Variants in MAGI2 observed in about 807,000 individuals in gnomAD.
The protein encoded by MAGI2 is membrane associated guanylate kinase, WW and PDZ domain containing 2.
Under a neutral mutation model 133.3 loss-of-function variants are expected in MAGI2, and 35 were observed. The observed-to-expected ratio is 0.26, with a 90% CI of 0.20 to 0.35. MAGI2 has a LOEUF of 0.35. Ranked by LOEUF, MAGI2 falls within the 10% of genes least tolerant of loss-of-function variation. The probability of loss-of-function intolerance (pLI) is 1.00; values close to 1 mark genes in which losing one functional copy is unlikely to be tolerated. For missense variants in MAGI2, 1,636 were observed against 1,863.4 expected, an observed-to-expected ratio of 0.88 and a Z score of 2.25; for synonymous variants, 729 against 710.6, an observed-to-expected ratio of 1.03 and a Z score of -0.41.
intron 9 of MAGI2, among the ~76,000 whole-genome samples, chr7:78,320,983 A>G (rs1211500639): frequency 6.6e-6 from 1 of 152,128 alleles, no homozygotes; most frequent in East Asian, 1.9e-4. Flanking sequence ...CCAATAACAA[A>G]CAGACAGCCA....
At chr7:79,259,569 T>A (rs1254918855) in intron 1 of MAGI2, among the ~76,000 whole-genome samples, 2 of 152,178 alleles carry the variant, frequency 1.3e-5, no homozygotes, top group African/African-American at 2.4e-5. Context: ...ATGTACACAA[T>A]CCGTAAGTGG....
intron 9 of MAGI2, among the ~76,000 whole-genome samples, chr7:78,276,217 C>T (rs1423807959): frequency 6.6e-6 from 1 of 152,128 alleles, no homozygotes; most frequent in African/African-American, 2.4e-5. Flanking sequence ...ATGCTTGAGT[C>T]AAGATATTGG....
intron 21 of MAGI2, among the ~76,000 whole-genome samples, chr7:78,074,281 G>C (rs549243322): frequency 6.6e-6 from 1 of 152,090 alleles, no homozygotes; most frequent in Non-Finnish European, 1.5e-5. Flanking sequence ...CTGACAGATC[G>C]CCTTTGGTAT....
intron 5 of MAGI2, among the ~76,000 whole-genome samples, chr7:78,495,738 T>A (rs1397020386): frequency 6.6e-6 from 1 of 152,204 alleles, no homozygotes; most frequent in Non-Finnish European, 1.5e-5. Flanking sequence ...TGCCATTTTA[T>A]CTTTCATGTG....
chr7:78,264,540 T>G (rs1167183718), intron 9 of MAGI2, among the ~76,000 whole-genome samples: 1 of 152,160 alleles, frequency 6.6e-6, no homozygotes, highest in Non-Finnish European at 1.5e-5. Context: ...ATCCACTGTA[T>G]TTGCTAGGTC....
At chr7:79,151,902 G>GA (rs11422534) in intron 1 of MAGI2, among the ~76,000 whole-genome samples, 106,588 of 151,928 alleles carry the variant, frequency 0.7, 40,098 homozygotes, top group Non-Finnish European at 0.85. Context: ...CTAAAGTCCA[G>GA]AAATTATGGT....
At chr7:79,181,767 C>T (rs1826642570) in intron 1 of MAGI2, among the ~76,000 whole-genome samples, 1 of 151,984 alleles carries the variant, frequency 6.6e-6, no homozygotes, top group Non-Finnish European at 1.5e-5. Flanking sequence ...TCTTTTAAAA[C>T]TGAATGCCTT....
chr7:79,171,770 A>ATATATTTTTTTTTTT, intron 1 of MAGI2, among the ~76,000 whole-genome samples: 14 of 31,222 alleles, frequency 4.5e-4, no homozygotes, highest in Non-Finnish European at 8.9e-4. Context: ...ATATATATAT[A>ATATATTTTTTTTTTT]TTTTTTTTTT....
chr7:79,007,514 T>A (rs1488645789), intron 1 of MAGI2, among the ~76,000 whole-genome samples: 1 of 152,074 alleles, frequency 6.6e-6, no homozygotes, highest in Admixed American at 6.6e-5. Context: ...TTATAGTACA[T>A]CTCATTGCAT....
At chr7:79,200,264 C>G (rs541420070) in intron 1 of MAGI2, among the ~76,000 whole-genome samples, 1 of 151,946 alleles carries the variant, frequency 6.6e-6, no homozygotes, top group Non-Finnish European at 1.5e-5. Flanking sequence ...CCAAGGCTAA[C>G]TTTCTTACAT....
At chr7:78,130,996 C>A (rs1423444640) in intron 18 of MAGI2, among the ~76,000 whole-genome samples, 2 of 152,174 alleles carry the variant, frequency 1.3e-5, no homozygotes, top group Non-Finnish European at 2.9e-5. Flanking sequence ...CCACTCAAGG[C>A]TGGGAGCAAG....
intron 6 of MAGI2, among the ~76,000 whole-genome samples, chr7:78,451,298 T>C (rs1788698283): frequency 6.6e-6 from 1 of 152,126 alleles, no homozygotes; most frequent in African/African-American, 2.4e-5. Context: ...ACATTTCTAA[T>C]ATTGCATTAG....
chr7:78,298,810 GTTTTTTTTT>G (rs71085520), intron 9 of MAGI2, among the ~76,000 whole-genome samples: 3 of 79,606 alleles, frequency 3.8e-5, no homozygotes, highest in Non-Finnish European at 6.4e-5. Flanking sequence ...TGGCCTAAAC[GTTTTTTTTT>G]TTTTTTTTTT....
chr7:78,404,655 T>C (rs1006697657), intron 6 of MAGI2, among the ~76,000 whole-genome samples: 2 of 152,106 alleles, frequency 1.3e-5, no homozygotes, highest in African/African-American at 4.8e-5. Flanking sequence ...TTATACCTTA[T>C]ACAAAAATTA....
At chr7:78,933,609 A>G (rs878923445) in intron 2 of MAGI2, among the ~76,000 whole-genome samples, 1 of 152,160 alleles carries the variant, frequency 6.6e-6, no homozygotes, top group Admixed American at 6.6e-5. Context: ...TTCATTGACC[A>G]ATAGATAAAT....
At chr7:78,634,728 G>A (rs1456679125) in intron 2 of MAGI2, among the ~76,000 whole-genome samples, 2 of 152,120 alleles carry the variant, frequency 1.3e-5, no homozygotes, top group Non-Finnish European at 2.9e-5. Flanking sequence ...AGACTCAACA[G>A]TAATAACAAG....
At chr7:78,527,035 GAA>G (rs1797032325) in intron 3 of MAGI2, among the ~76,000 whole-genome samples, 1 of 89,746 alleles carries the variant, frequency 1.1e-5, no homozygotes, top group Non-Finnish European at 2.4e-5. Flanking sequence ...AAAAAAAAAA[GAA>G]AAAGAAAAAA....
intron 6 of MAGI2, chr7:78,486,676 C>T (rs1218180646): frequency 2.6e-5 from 10 of 386,688 alleles, no homozygotes; most frequent in South Asian, 1.6e-4. Flanking sequence ...ACAACAATGG[C>T]GACAACGATG....
intron 1 of MAGI2, among the ~76,000 whole-genome samples, chr7:79,293,940 T>C (rs769203576): frequency 6.6e-6 from 1 of 152,144 alleles, no homozygotes; most frequent in Non-Finnish European, 1.5e-5. Flanking sequence ...CCCAGAACTT[T>C]GGGAGGCCAA....
Sources: gnomAD v4.1 joint callset for allele counts (sites outside exome capture counted in the v4.1 genomes callset) on GRCh38, gnomAD v4.1.1 for gene constraint, MANE v1.5 for transcripts, NCBI Gene and HGNC (gene_info 2026-07-23, HGNC 2026-07-21) for gene names.